The following EPHB2 variants were observed in gnomAD, a reference collection of about 807,000 sequenced individuals.
The protein encoded by EPHB2 is ephrin type-B receptor 2.
In EPHB2, 18 loss-of-function variants were observed where a neutral mutation model predicts 96.4. The observed-to-expected ratio is 0.19, with a 90% confidence interval of 0.13 to 0.28. The LOEUF is 0.28. Among genes scored for constraint, EPHB2 ranks in the 10% least tolerant of loss-of-function variants. EPHB2 has a pLI of 1.00. For missense variants in EPHB2, 989 were observed against 1,355.4 expected (o/e 0.73, Z 4.25); for synonymous variants, 506 against 534.1 (o/e 0.95, Z 0.72).
At chr1:22,829,493 A>G (rs1003169628) in intron 3 of EPHB2, among the ~76,000 whole-genome samples, 1 of 152,134 alleles carries the variant, frequency 6.6e-6, no homozygotes, top group African/African-American at 2.4e-5. Flanking sequence ...CCTCCCTACA[A>G]CTGGCCTTGA....
At chr1:22,909,428 T>A (rs1640020911) in intron 13 of EPHB2, among the ~76,000 whole-genome samples, 1 of 152,240 alleles carries the variant, frequency 6.6e-6, no homozygotes, top group Non-Finnish European at 1.5e-5. Context: ...CGCATGCACC[T>A]GTGGCCAGCC....
chr1:22,775,989 G>A (rs1283657853), intron 1 of EPHB2, among the ~76,000 whole-genome samples: 2 of 152,202 alleles, frequency 1.3e-5, no homozygotes, highest in African/African-American at 4.8e-5. Flanking sequence ...TTGGCAGAGT[G>A]GGAGGTGGGT....
intron 1 of EPHB2, among the ~76,000 whole-genome samples, chr1:22,757,971 T>C (rs2148390167): frequency 7.7e-6 from 1 of 129,374 alleles, no homozygotes; most frequent in South Asian, 2.5e-4. Context: ...CAGGCTGGAG[T>C]GCAGTGGCGC....
chr1:22,906,132 T>G lies in EPHB2; in HGVS notation c.1888+23T>G, dbSNP rs1570465242. ...CAGGTAGGTGGCTGGTACTCTCACA[T>G]GTACTATGACCTTAGCCATGGCTGG... On this transcript the variant is annotated intron_variant, in intron 10 of 15. Transcript: ENST00000374630. The surrounding 1 kb of genome is among the most constrained non-coding windows in gnomAD (Gnocchi z 4.8). 6.2e-7 allele frequency: 1 copy of G among 1,614,142 alleles called. No homozygotes were observed. The highest frequency in any genetic ancestry group is 8.5e-7 in the Non-Finnish European group (1 of 1,180,006).
At chr1:22,795,502 A>G (rs1385312427) in intron 3 of EPHB2, among the ~76,000 whole-genome samples, 1 of 151,258 alleles carries the variant, frequency 6.6e-6, no homozygotes, top group Non-Finnish European at 1.5e-5. Context: ...TTTTGCCCCC[A>G]TAGCTTGGTG....
intron 3 of EPHB2, among the ~76,000 whole-genome samples, chr1:22,791,467 CTTTCTTT>C (rs1413351163): frequency 2.2e-4 from 29 of 129,054 alleles, no homozygotes; most frequent in East Asian, 1.2e-3. Context: ...TTCTTTCTTT[CTTTCTTT>C]TTTTTTTTTT....
chr1:22,778,592 G>A (rs1280756167), intron 1 of EPHB2, among the ~76,000 whole-genome samples: 1 of 152,228 alleles, frequency 6.6e-6, no homozygotes, highest in Non-Finnish European at 1.5e-5. Flanking sequence ...CAGGAGAAGG[G>A]AGCAGAGGAG....
In EPHB2 at chr1:22,860,371, G is replaced by C. The variant is rs943073947; in HGVS notation, c.812-2666G>C. ...GGGTGGAGAGTGATGCCACTTCCCA[G>C]GGCAGAGAAGAGTGAGTTTCATGAA... On this transcript the variant is annotated intron_variant, in intron 3 of 15. Coordinates refer to ENST00000374630, the MANE Select transcript of EPHB2 (RefSeq NM_017449.5). The surrounding 1 kb of genome is among the most constrained non-coding windows in gnomAD (Gnocchi z 4.6). 1.3e-5 allele frequency among the ~76,000 whole-genome samples: 2 copies of C among 152,146 alleles called. No homozygotes were observed. Among genetic ancestry groups the C allele is most frequent in the Admixed American group, 6.5e-5 (1 of 15,278 alleles).
chr1:22,895,762 C>A (rs1473161802), intron 8 of EPHB2, among the ~76,000 whole-genome samples, 182 bp downstream of exon 8: 2 of 152,270 alleles, frequency 1.3e-5, no homozygotes, highest in Admixed American at 1.3e-4. Flanking sequence ...CCACCATGTG[C>A]AATCCATCCC....
intron 3 of EPHB2, among the ~76,000 whole-genome samples, chr1:22,828,143 G>A (rs944615909): frequency 6.6e-6 from 1 of 152,182 alleles, no homozygotes. Context: ...CCCCCACTCA[G>A]TTCTCTCTGG....
intron 1 of EPHB2, among the ~76,000 whole-genome samples, chr1:22,713,382 C>G (rs1317770516): frequency 6.6e-6 from 1 of 152,138 alleles, no homozygotes; most frequent in African/African-American, 2.4e-5. Flanking sequence ...AATGGCCTGG[C>G]TAAATATCTT....
intron 5 of EPHB2, among the ~76,000 whole-genome samples, chr1:22,877,270 T>C (rs1638871052): frequency 6.6e-6 from 1 of 152,230 alleles, no homozygotes; most frequent in Admixed American, 6.5e-5. Flanking sequence ...CGTGCGTCCA[T>C]GTCCTCATCT....
At chr1:22,751,039 C>A (rs1644054499) in intron 1 of EPHB2, among the ~76,000 whole-genome samples, 1 of 152,190 alleles carries the variant, frequency 6.6e-6, no homozygotes, top group South Asian at 2.1e-4. Flanking sequence ...GAATTTATTT[C>A]CATGAAAATA....
At chr1:22,725,184 G>A (rs1415523716) in intron 1 of EPHB2, among the ~76,000 whole-genome samples, 2 of 152,152 alleles carry the variant, frequency 1.3e-5, no homozygotes, top group Non-Finnish European at 2.9e-5. Flanking sequence ...TTAGACGGTT[G>A]GATGAGCAGC....
chr1:22,909,932 G>A (rs1188646267), intron 13 of EPHB2, among the ~76,000 whole-genome samples: 2 of 152,180 alleles, frequency 1.3e-5, no homozygotes, highest in Admixed American at 6.5e-5. Flanking sequence ...GCCATGGTGT[G>A]GGCCTGATAG....
At chr1:22,894,883 T>G (rs1639506239) in intron 7 of EPHB2, among the ~76,000 whole-genome samples, 1 of 151,294 alleles carries the variant, frequency 6.6e-6, no homozygotes, top group South Asian at 2.1e-4. Flanking sequence ...CTTAGCACAG[T>G]GAGTGACACA....
chr1:22,850,829 G>C (rs970690757), intron 3 of EPHB2, among the ~76,000 whole-genome samples: 1 of 152,200 alleles, frequency 6.6e-6, no homozygotes, highest in Non-Finnish European at 1.5e-5. Flanking sequence ...GAGAAACGGC[G>C]CATGCACAGG....
At chr1:22,901,032 C>T (rs1044043866) in intron 9 of EPHB2, among the ~76,000 whole-genome samples, 5 of 152,136 alleles carry the variant, frequency 3.3e-5, no homozygotes, top group Admixed American at 6.5e-5. Context: ...TGGGTGACCT[C>T]GGGGAAGCCA....
chr1:22,787,580 T>A (rs2148428941), intron 3 of EPHB2, among the ~76,000 whole-genome samples: 1 of 152,182 alleles, frequency 6.6e-6, no homozygotes, highest in South Asian at 2.1e-4. Context: ...TGAGACCCTG[T>A]CTCTACAAAG....
Sources: allele counts gnomAD v4.1 joint callset (sites outside exome capture counted in the v4.1 genomes callset), GRCh38; gene constraint gnomAD v4.1.1; non-coding constraint Gnocchi (gnomAD v3.1); transcripts MANE v1.5; gene names NCBI Gene and HGNC (gene_info 2026-07-23, HGNC 2026-07-21).